TTC7B: variants seen among roughly 807,000 people sequenced by gnomAD.
TTC7B encodes tetratricopeptide repeat domain 7B.
A neutral mutation model predicts 106.8 loss-of-function variants in TTC7B; 28 were observed. The observed-to-expected ratio is 0.26, with a 90% CI of 0.19 to 0.36. The LOEUF (loss-of-function observed/expected upper bound fraction) is 0.36, where lower values mean the gene tolerates loss of function less well. Among genes scored for constraint, TTC7B ranks in the 10% least tolerant of loss-of-function variants. The pLI is 1.00. For missense variants in TTC7B, 862 were observed against 1,076.4 expected, an observed-to-expected ratio of 0.80 and a Z score of 2.79; for synonymous variants, 405 against 430.6, an observed-to-expected ratio of 0.94 and a Z score of 0.74.
chr14:90,720,440 T>A (rs1888848941), intron 5 of TTC7B, among the ~76,000 whole-genome samples: 2 of 152,234 alleles, frequency 1.3e-5, no homozygotes, highest in African/African-American at 4.8e-5. Context: ...AAAGAATGCC[T>A]GGCTCAGAGT....
chr14:90,792,627 T>C (rs1158669773), intron 1 of TTC7B, among the ~76,000 whole-genome samples: 1 of 151,840 alleles, frequency 6.6e-6, no homozygotes, highest in African/African-American at 2.4e-5. Flanking sequence ...TGCAGGAAAA[T>C]GATCAACGGA....
intron 15 of TTC7B, among the ~76,000 whole-genome samples, chr14:90,641,938 T>TGC (rs1164751353): frequency 1.5e-3 from 218 of 144,504 alleles, no homozygotes; most frequent in African/African-American, 4.8e-3. Flanking sequence ...TGTGTGCGTG[T>TGC]GTGTGTGTGT....
In TTC7B at chr14:90,536,030, G is replaced by A. The variant is rs1167440487; in HGVS notation, c.*5338C>T. The A allele has an allele frequency of 1.9e-5, 3 of 154,048 alleles. No individual in the cohort carries two copies. The highest frequency in any genetic ancestry group is 4.8e-5 in the African/African-American group (2 of 41,450). The allele number at this position is 154,048 out of a possible 1,614,324, so 9.5% of individuals were successfully genotyped here. A position where few individuals can be genotyped will look rare whatever the true frequency, so the allele number is the denominator to read the frequency against. ...CCAAATATAGTCACACAGGGGCGGG[G>A]GCTCCACCCTATGAATCTGGGGGAG... On this transcript the variant is annotated 3_prime_UTR_variant, in exon 20 of 20. Coordinates refer to ENST00000328459, the MANE Select transcript of TTC7B (RefSeq NM_001010854.2).
chr14:90,748,920 C>G (rs1012819723), intron 3 of TTC7B, among the ~76,000 whole-genome samples: 2 of 152,110 alleles, frequency 1.3e-5, no homozygotes, highest in African/African-American at 4.8e-5. Flanking sequence ...GGTAGTTCTG[C>G]TCCTGCTGAT....
intron 19 of TTC7B, among the ~76,000 whole-genome samples, chr14:90,559,222 T>C (rs1890465023): frequency 6.6e-6 from 1 of 152,210 alleles, no homozygotes; most frequent in Non-Finnish European, 1.5e-5. Flanking sequence ...TCTCCAAGTC[T>C]CCTCAGAAGC....
chr14:90,619,292 TCCA>T (rs1461110288), intron 15 of TTC7B, among the ~76,000 whole-genome samples: 2 of 152,218 alleles, frequency 1.3e-5, no homozygotes, highest in African/African-American at 4.8e-5. Context: ...TTTAAGGCAC[TCCA>T]CCAACTAGCC....
intron 9 of TTC7B, among the ~76,000 whole-genome samples, chr14:90,668,602 T>C (rs994072375): frequency 9.2e-5 from 14 of 152,216 alleles, no homozygotes; most frequent in African/African-American, 3.4e-4. Flanking sequence ...ATCTCTTTAA[T>C]CATCACAATA....
chr14:90,737,087 C>G (rs1173060600), intron 4 of TTC7B, among the ~76,000 whole-genome samples: 1 of 151,856 alleles, frequency 6.6e-6, no homozygotes. Context: ...GCAACTTAAA[C>G]ATGGAAAATT....
At chr14:90,682,683 A>G (rs58767667) in intron 7 of TTC7B, among the ~76,000 whole-genome samples, 2 of 152,178 alleles carry the variant, frequency 1.3e-5, no homozygotes, top group South Asian at 4.1e-4. Context: ...CTGGGGCCCT[A>G]GATCCAGAGG....
At chr14:90,694,845 AAT>A (rs1278687369) in intron 6 of TTC7B, among the ~76,000 whole-genome samples, 13 of 138,740 alleles carry the variant, frequency 9.4e-5, no homozygotes, top group East Asian at 6.2e-4. Flanking sequence ...TCACACATAC[AAT>A]ATATGTGACA....
At chr14:90,789,340 C>T (rs1429864675) in intron 1 of TTC7B, among the ~76,000 whole-genome samples, 3 of 152,060 alleles carry the variant, frequency 2.0e-5, no homozygotes, top group Non-Finnish European at 2.9e-5. Context: ...TCAGGTGATC[C>T]GCCTGACTTG....
intron 9 of TTC7B, among the ~76,000 whole-genome samples, chr14:90,672,920 C>T (rs1886686643): frequency 6.6e-6 from 1 of 152,122 alleles, no homozygotes; most frequent in African/African-American, 2.4e-5. Flanking sequence ...TATGCATCTC[C>T]CAACTGTCTG....
intron 2 of TTC7B, among the ~76,000 whole-genome samples, chr14:90,781,886 G>A (rs4900060): frequency 0.27 from 41,337 of 151,942 alleles, 9,290 homozygotes; most frequent in African/African-American, 0.62. Context: ...TCCCTGACCC[G>A]TCCTCCGGCA....
intron 4 of TTC7B, among the ~76,000 whole-genome samples, chr14:90,737,530 T>C (rs1226642497): frequency 6.7e-6 from 1 of 149,976 alleles, no homozygotes; most frequent in Admixed American, 6.7e-5. Context: ...TAAAAGATCA[T>C]ATATTGTATG....
intron 1 of TTC7B, among the ~76,000 whole-genome samples, chr14:90,810,722 C>G (rs1201549318): frequency 6.6e-6 from 1 of 152,226 alleles, no homozygotes; most frequent in Non-Finnish European, 1.5e-5. Context: ...ACAGCATAAT[C>G]TGTAAGGTCT....
rs79349669 is a variant in TTC7B, at chr14:90,744,038, G to A, written c.576+754C>T. On this transcript the variant is annotated intron_variant, in intron 4 of 19. Transcript: ENST00000328459. ...GCTGAGACCATCCCTGATGGTCTCC[G>A]GGGATACCCGATGTACTCAGCTCGG... Among the ~76,000 whole-genome samples the A allele has an allele frequency of 9.9e-3, 1,505 of 152,300 alleles. 22 individuals carry two copies. Among genetic ancestry groups the A allele is most frequent in the African/African-American group, 0.034 (1,431 of 41,544 alleles).
chr14:90,761,638 T>C (rs1890506283), intron 3 of TTC7B, among the ~76,000 whole-genome samples: 1 of 152,258 alleles, frequency 6.6e-6, no homozygotes, highest in South Asian at 2.1e-4. Flanking sequence ...GAGTTGGTTT[T>C]GTCTGTGCAG....
Position 90,805,637 on chromosome 14 carries a change from G to A in TTC7B, c.121+10538C>T, listed in dbSNP as rs72695577. On this transcript the variant is annotated intron_variant, in intron 1 of 19. Transcript: ENST00000328459. This position sits in a 1 kb window ranked among gnomAD's most constrained non-coding sequence, Gnocchi z 4.0. ...TTCAAGGGTACCCAGAGCTGGCTTCGCTTTTCCCTCGGGCATTATTTGGGG... is the reference window on the plus strand; with the variant it reads ...TTCAAGGGTACCCAGAGCTGGCTTCACTTTTCCCTCGGGCATTATTTGGGG... Among the ~76,000 whole-genome samples the A allele has an allele frequency of 0.041, 6,269 of 151,986 alleles. 172 individuals are homozygous for A. The highest frequency in any genetic ancestry group is 0.058 in the Non-Finnish European group (3,925 of 68,016).
intron 3 of TTC7B, chr14:90,766,956 TG>T: frequency 6.8e-7 from 1 of 1,466,958 alleles, no homozygotes. Context: ...CTGGCCGCCA[TG>T]GCCGCACTGT....
Sources: allele counts gnomAD v4.1 joint callset (sites outside exome capture counted in the v4.1 genomes callset), GRCh38; gene constraint gnomAD v4.1.1; non-coding constraint Gnocchi (gnomAD v3.1); transcripts MANE v1.5; gene names NCBI Gene and HGNC (gene_info 2026-07-23, HGNC 2026-07-21).